Variants in STON1 observed in about 807,000 individuals in gnomAD.
STON1 encodes the protein stonin-1.
STON1 carries 79 observed loss-of-function variants against 60.9 expected under a neutral mutation model. The observed-to-expected ratio is 1.30, with a 90% CI of 1.08 to 1.56. The LOEUF is 1.56. STON1 is among the 40% of genes most tolerant of loss of function. The pLI, the probability that STON1 is intolerant of heterozygous loss-of-function variation, is 0.00. For missense variants in STON1, 1,166 were observed against 858.9 expected (o/e 1.36, Z -4.47); for synonymous variants, 363 against 306.9 (o/e 1.18, Z -1.91).
chr2:48,586,635 G>C (rs1674223216), intron 2 of STON1, among the ~76,000 whole-genome samples: 1 of 152,190 alleles, frequency 6.6e-6, no homozygotes, highest in Non-Finnish European at 1.5e-5. Context: ...TGAGGGAGTG[G>C]TCGGGGAAGA....
chr2:48,580,221 T>C (rs1344266758), intron 1 of STON1, among the ~76,000 whole-genome samples: 2 of 152,176 alleles, frequency 1.3e-5, no homozygotes, highest in Non-Finnish European at 2.9e-5. Flanking sequence ...TTAATATATA[T>C]TTATAATTGT....
chr2:48,533,317 G>C (rs1285844159), intron 1 of STON1, among the ~76,000 whole-genome samples: 1 of 151,994 alleles, frequency 6.6e-6, no homozygotes, highest in Non-Finnish European at 1.5e-5. Context: ...GGGAGGCGGA[G>C]GTTGCAGTGA....
Position 48,564,480 on chromosome 2 carries a change from T to TTCCTTC in STON1, c.-47-16106_-47-16105insCCTTCT, listed in dbSNP as rs1558604783. ...CTTCTTCTTCTTCTTCTTCTTCTTC[T>TTCCTTC]TTCTTCTTCTTCTTCTTCTTCTTCT... On this transcript the variant is annotated intron_variant, in intron 1 of 3. Coordinates refer to ENST00000404752, the MANE Select transcript of STON1 (RefSeq NM_006873.4). Among the ~76,000 whole-genome samples the TTCCTTC allele has an allele frequency of 1.5e-4, 5 of 32,494 alleles. 1 individual carries two copies. Among genetic ancestry groups the TTCCTTC allele is most frequent in the African/African-American group, 3.5e-4 (3 of 8,682 alleles). The allele number at this position is 32,494 out of a possible 152,430, so 21.3% of individuals were successfully genotyped here.
At chr2:48,568,713 A>T (rs537947632) in intron 1 of STON1, among the ~76,000 whole-genome samples, 1 of 152,240 alleles carries the variant, frequency 6.6e-6, no homozygotes, top group South Asian at 2.1e-4. Flanking sequence ...TATGAAAGCC[A>T]TTCTCAGAAA....
intron 1 of STON1, among the ~76,000 whole-genome samples, chr2:48,570,158 A>T (rs1036464033): frequency 9.9e-5 from 15 of 152,168 alleles, no homozygotes; most frequent in Admixed American, 4.6e-4. Context: ...AACATGGCGA[A>T]ACCCCATCTC....
chr2:48,537,940 A>T (rs940160021), intron 1 of STON1, among the ~76,000 whole-genome samples: 1 of 151,452 alleles, frequency 6.6e-6, no homozygotes, highest in Non-Finnish European at 1.5e-5. Flanking sequence ...TAAAGTAATC[A>T]TAAGTATATG....
intron 1 of STON1, among the ~76,000 whole-genome samples, chr2:48,575,755 G>GTTTTTTTT: frequency 9.1e-6 from 1 of 109,736 alleles, no homozygotes; most frequent in African/African-American, 3.4e-5. Flanking sequence ...TTTAGTTTTT[G>GTTTTTTTT]TTTGTTTTTT....
intron 1 of STON1, among the ~76,000 whole-genome samples, chr2:48,532,635 G>A (rs559568049): frequency 2.1e-4 from 32 of 152,146 alleles, no homozygotes; most frequent in African/African-American, 7.7e-4. Context: ...GCCTTGTCCA[G>A]CTTTTGCACT....
intron 1 of STON1, among the ~76,000 whole-genome samples, chr2:48,564,489 CTTCTT>C (rs1672797050): frequency 1.6e-4 from 4 of 24,996 alleles, no homozygotes; most frequent in African/African-American, 3.5e-4. Flanking sequence ...CTTTCTTCTT[CTTCTT>C]CTTCTTCTTC....
At chr2:48,561,455 C>T (rs1672607860) in intron 1 of STON1, among the ~76,000 whole-genome samples, 1 of 152,214 alleles carries the variant, frequency 6.6e-6, no homozygotes, top group African/African-American at 2.4e-5. Flanking sequence ...GCATCATTTT[C>T]TGATTGTGCG....
intron 1 of STON1, among the ~76,000 whole-genome samples, chr2:48,548,537 TGCC>T (rs1671955144): frequency 6.6e-6 from 1 of 151,964 alleles, no homozygotes; most frequent in African/African-American, 2.4e-5. Context: ...CTCCCTCTGT[TGCC>T]CAGGCTGGAG....
At chr2:48,532,127 C>G (rs2103721480) in intron 1 of STON1, among the ~76,000 whole-genome samples, 1 of 152,086 alleles carries the variant, frequency 6.6e-6, no homozygotes, top group Non-Finnish European at 1.5e-5. Flanking sequence ...GCGGGCAGAT[C>G]ACTTGAGGTC....
chr2:48,542,949 G>A (rs569855625), intron 1 of STON1, among the ~76,000 whole-genome samples: 5 of 149,442 alleles, frequency 3.3e-5, no homozygotes, highest in South Asian at 2.1e-4. Flanking sequence ...GGGAGTGGCC[G>A]TGGTTACTCC....
In STON1 at chr2:48,536,604, G is replaced by A. The variant is rs569335347; in HGVS notation, c.-48+6388G>A. Among the ~76,000 whole-genome samples, 13 of 148,094 alleles carry A rather than the reference G, an allele frequency of 8.8e-5. No individual in the cohort carries two copies. The South Asian group carries it at 1.9e-3, about 22-fold the overall frequency. On this transcript the variant is annotated intron_variant, in intron 1 of 3. Coordinates refer to ENST00000404752, the MANE Select transcript of STON1 (RefSeq NM_006873.4). ...TAGTACCTGCTATATAAGGAAGAAC[G>A]CAAAAATTGTTAGCTATTATTACTT...
At position 48,549,580 on chromosome 2, in the gene STON1, G is replaced by C. The variant is rs558476687; in HGVS notation, c.-48+19364G>C. Among the ~76,000 whole-genome samples the C allele has an allele frequency of 7.9e-5, 12 of 152,274 alleles. No homozygotes were observed. In the South Asian group the frequency reaches 2.5e-3, roughly 32 times the overall value. On this transcript the variant is annotated intron_variant, in intron 1 of 3. Coordinates refer to ENST00000404752, the MANE Select transcript of STON1 (RefSeq NM_006873.4). ...TAATCCCAGCACTTTGGGAGGCCAA[G>C]AAGGGTGGATCACCTGAGGTCAGGA...
rs375300132 is a variant in STON1 at position 48,582,361 on chromosome 2, G to T, written c.1728G>T (p.Ser576=). ...DNIRIHFPVP[S]QWIKALWTMN... ...TAAGGATACACTTTCCTGTCCCATC[G>T]CAGTGGATCAAGGCCCTTTGGACCA... The change falls in exon 2 of 4, where the codon TCG becomes TCT. Residue 576 remains serine (S), a synonymous_variant. Coordinates refer to ENST00000404752, the MANE Select transcript of STON1 (RefSeq NM_006873.4). 29 of 1,614,018 alleles carry T rather than the reference G, an allele frequency of 1.8e-5. No homozygotes were observed. In the Admixed American group the frequency reaches 3.5e-4, roughly 19 times the overall value.
intron 1 of STON1, among the ~76,000 whole-genome samples, chr2:48,539,816 A>G (rs1042542584): frequency 6.6e-6 from 1 of 152,102 alleles, no homozygotes; most frequent in Non-Finnish European, 1.5e-5. Context: ...TTCAAATTTT[A>G]TAGGCCACTC....
intron 2 of STON1, among the ~76,000 whole-genome samples, chr2:48,586,495 A>T (rs1485600283): frequency 6.6e-6 from 1 of 152,222 alleles, no homozygotes; most frequent in Non-Finnish European, 1.5e-5. Flanking sequence ...AAGGGTAATA[A>T]ACTGCCTGGG....
At chr2:48,533,675 A>AAG (rs1488140039) in intron 1 of STON1, among the ~76,000 whole-genome samples, 1 of 151,714 alleles carries the variant, frequency 6.6e-6, no homozygotes, top group African/African-American at 2.4e-5. Context: ...AAAAAAAAAA[A>AAG]AAAAAAAGAG....
Sources: allele counts gnomAD v4.1 joint callset (sites outside exome capture counted in the v4.1 genomes callset), GRCh38; gene constraint gnomAD v4.1.1; transcripts MANE v1.5; gene names NCBI Gene and HGNC (gene_info 2026-07-23, HGNC 2026-07-21).